The following UGT2B11 variants were observed in gnomAD, a reference collection of about 807,000 sequenced individuals.
The protein encoded by UGT2B11 is UDP-glucuronosyltransferase 2B11.
A neutral mutation model predicts 51.7 loss-of-function variants in UGT2B11; 49 were observed. That is an observed-to-expected ratio of 0.95 (90% CI 0.75 to 1.20). The LOEUF (loss-of-function observed/expected upper bound fraction) is 1.20, where lower values mean the gene tolerates loss of function less well. UGT2B11 is among the 50% of genes most tolerant of loss of function. The pLI, the probability that UGT2B11 is intolerant of heterozygous loss-of-function variation, is 0.00. For synonymous variants in UGT2B11, 273 were observed against 209.0 expected, an observed-to-expected ratio of 1.31 and a Z score of -2.64; for missense variants, 810 against 622.1, an observed-to-expected ratio of 1.30 and a Z score of -3.21.
the UGT2B11 span, among the ~76,000 whole-genome samples, chr4:69,220,423 T>C: frequency 6.7e-6 from 1 of 148,226 alleles, no homozygotes; most frequent in Non-Finnish European, 1.5e-5. Context: ...CACTGGGTAG[T>C]GCTCTGGTGG....
Position 69,211,235 on chromosome 4 carries a change from T to C in UGT2B11, c.870+1338A>G, listed in dbSNP as rs146542772. ...TTGTTAAAGTCAAGTGAACCCTGGG[T>C]TTGTCTGCACATATTTGAGGTACAC... On this transcript the variant is annotated intron_variant, in intron 2 of 5. Transcript: ENST00000446444. 1.9e-3 allele frequency: 284 copies of C among 151,674 alleles called. 1 individual carries two copies. Among genetic ancestry groups the C allele is most frequent in the African/African-American group, 6.5e-3 (270 of 41,488 alleles). 9.4% of individuals were successfully genotyped at this position (151,674 alleles called of 1,614,324 possible).
At chr4:69,221,844 G>GC in the UGT2B11 span, among the ~76,000 whole-genome samples, 7 of 152,236 alleles carry the variant, frequency 4.6e-5, no homozygotes, top group Non-Finnish European at 1.0e-4. Context: ...GCTGGCGCTT[G>GC]CCCCAGGCAC....
chr4:69,204,481 A>G lies in UGT2B11; in HGVS notation c.1259T>C (p.Met420Thr). 1.2e-6 allele frequency: 2 copies of G among 1,612,206 alleles called. No homozygotes were observed. The highest frequency in any genetic ancestry group is 1.7e-6 in the Non-Finnish European group (2 of 1,178,788). The change falls in exon 5 of 6, where the codon ATG becomes ACG. Residue 420 changes from methionine (M) to threonine (T), a missense_variant. By Grantham distance (81) the Met-to-Thr change is moderately conservative. Transcript: ENST00000446444. ...GAAVRLDFNT[M>T]SSTDLLNALK... ...TGCATTCAGCAGGTCTGTACTCGAC[A>G]TTGTGTTGAAGTCCAATCTAACAGC...
intron 4 of UGT2B11, among the ~76,000 whole-genome samples, chr4:69,204,896 G>C (rs1030916385): frequency 4.0e-5 from 6 of 151,658 alleles, no homozygotes; most frequent in African/African-American, 1.5e-4. Flanking sequence ...GTGCATTCTA[G>C]ATTTTTTAAA....
At chr4:69,204,246 A>T (rs1406051382) in intron 5 of UGT2B11, 184 bp downstream of exon 5, 8 of 911,390 alleles carry the variant, frequency 8.8e-6, no homozygotes, top group Non-Finnish European at 1.3e-5. Flanking sequence ...TACTCATTAG[A>T]TGTATGGGAT....
Position 69,214,315 on chromosome 4 carries a change from A to T in UGT2B11, c.408T>A (p.Val136=). The part of the protein sequence containing the change: ...FCKDVVSNKK[V]MKKLQESRFD... ...ATCTTGACTCTTGTAGTTTTTTCAT[A>T]ACTTTCTTATTTGAAACTACATCTT... The change falls in exon 1 of 6, where the codon GTT becomes GTA. Residue 136 remains valine, a synonymous_variant. Transcript: ENST00000446444. The T allele has an allele frequency of 6.2e-7, 1 of 1,613,220 alleles. No individual in the cohort carries two copies. The highest frequency in any genetic ancestry group is 8.5e-7 in the Non-Finnish European group (1 of 1,179,508).
rs144609604 is a variant in UGT2B11 at position 69,214,538 on chromosome 4, A to G, written c.185T>C (p.Ile62Thr). The G allele has an allele frequency of 1.2e-6, 2 of 1,613,218 alleles. No homozygotes were observed. Among genetic ancestry groups the G allele is most frequent in the African/African-American group, 1.3e-5 (1 of 74,986 alleles). ...EVTVLASSAS[I>T]LFDPNDASTL... Reference sequence around the variant, plus strand: ...GGATGCATCATTGGGATCAAAAAGAATGGAAGCTGAAGATGCCAGTACAGT... The same window carrying G: ...GGATGCATCATTGGGATCAAAAAGAGTGGAAGCTGAAGATGCCAGTACAGT... Residue 62 changes from isoleucine (I) to threonine (T), a missense_variant, in exon 1 of 6, where the codon ATT becomes ACT. Physicochemically the swap from Ile to Thr is moderately conservative, Grantham distance 89 (BLOSUM62 -1). Transcript: ENST00000446444.
At chr4:69,212,448 T>C (rs1039147840) in intron 2 of UGT2B11, 125 bp downstream of exon 2, 1 of 1,487,726 alleles carries the variant, frequency 6.7e-7, no homozygotes, top group Non-Finnish European at 9.0e-7. Context: ...AATTAGTATC[T>C]GCTTTACACC....
intron 1 of UGT2B11, among the ~76,000 whole-genome samples, chr4:69,213,285 A>C (rs2109954507): frequency 6.6e-6 from 1 of 151,896 alleles, no homozygotes; most frequent in South Asian, 2.1e-4. Flanking sequence ...TTATAGCTAG[A>C]AATTTTGAGA....
upstream of UGT2B11, among the ~76,000 whole-genome samples, chr4:69,218,587 GA>G (rs1466296753): frequency 6.6e-6 from 1 of 152,066 alleles, no homozygotes; most frequent in Non-Finnish European, 1.5e-5. Flanking sequence ...GGCAAACTAT[GA>G]AAGCCAGAAA....
chr4:69,224,475 C>T, the UGT2B11 span, among the ~76,000 whole-genome samples: 1 of 152,120 alleles, frequency 6.6e-6, no homozygotes, highest in Non-Finnish European at 1.5e-5. Flanking sequence ...GAGAGCCTGA[C>T]ACCGGTGTCT....
the UGT2B11 span, among the ~76,000 whole-genome samples, chr4:69,224,483 T>A: frequency 6.6e-6 from 1 of 151,992 alleles, no homozygotes. Context: ...GACACCGGTG[T>A]CTTTAGTCTC....
At chr4:69,209,585 C>A (rs544828954) in intron 2 of UGT2B11, among the ~76,000 whole-genome samples, 77 of 137,330 alleles carry the variant, frequency 5.6e-4, no homozygotes, top group South Asian at 2.7e-4. Context: ...AAGAAAAAAA[C>A]GTCTAAATGT....
the UGT2B11 span, among the ~76,000 whole-genome samples, chr4:69,224,301 G>A: frequency 2.7e-5 from 4 of 150,808 alleles, no homozygotes; most frequent in Admixed American, 6.6e-5. Flanking sequence ...AGCCTTTGGA[G>A]GGGCCATGGT....
Position 69,200,334 on chromosome 4 carries a change from TGTC to T in UGT2B11, c.*103_*105del. 3 of 1,086,976 alleles carry T rather than the reference TGTC, an allele frequency of 2.8e-6. No homozygotes were observed. The highest frequency in any genetic ancestry group is 3.6e-5 in the East Asian group (1 of 27,662). 67.3% of individuals were successfully genotyped at this position (1,086,976 alleles called of 1,614,324 possible). ...AAAATTTTTTTTTTTTTTTTTTTTT[TGTC>T]ACAGGAAGAAAGAAATCTTGCATAA... On this transcript the variant is annotated 3_prime_UTR_variant, in exon 6 of 6. Coordinates refer to ENST00000446444, the MANE Select transcript of UGT2B11 (RefSeq NM_001073.3).
chr4:69,223,022 G>C, the UGT2B11 span, among the ~76,000 whole-genome samples: 1 of 152,158 alleles, frequency 6.6e-6, no homozygotes, highest in Non-Finnish European at 1.5e-5. Context: ...GCTTGGCACA[G>C]GTCAGTACTG....
Position 69,208,980 on chromosome 4 carries a change from A to G in UGT2B11, c.871-498T>C, listed in dbSNP as rs578046344. 4.0e-5 allele frequency among the ~76,000 whole-genome samples: 6 copies of G among 151,776 alleles called. No individual in the cohort carries two copies. The South Asian group carries it at 1.2e-3, about 32-fold the overall frequency. On this transcript the variant is annotated intron_variant, in intron 2 of 5. Transcript: ENST00000446444. ...TGAGCACTGAGGAAAAGATATTCAC[A>G]GTTGGGATAATTTTATATCTACATT...
At chr4:69,223,358 C>G in the UGT2B11 span, among the ~76,000 whole-genome samples, 1 of 152,272 alleles carries the variant, frequency 6.6e-6, no homozygotes, top group Admixed American at 6.5e-5. Context: ...CTTAGGGCGT[C>G]CCCCACAGGT....
intron 3 of UGT2B11, among the ~76,000 whole-genome samples, chr4:69,208,114 T>G (rs1214722682): frequency 6.6e-6 from 1 of 151,574 alleles, no homozygotes; most frequent in Non-Finnish European, 1.5e-5. Context: ...GAGTTCCCAC[T>G]GATACTAATA....
Sources: allele counts gnomAD v4.1 joint callset (sites outside exome capture counted in the v4.1 genomes callset), GRCh38; gene constraint gnomAD v4.1.1; transcripts MANE v1.5; gene names NCBI Gene and HGNC (gene_info 2026-07-23, HGNC 2026-07-21).